LTBP1: variants seen among roughly 807,000 people sequenced by gnomAD.
The protein encoded by LTBP1 is latent-transforming growth factor beta-binding protein 1.
A neutral mutation model predicts 207.6 loss-of-function variants in LTBP1; 129 were observed. The observed-to-expected ratio is 0.62, with a 90% confidence interval of 0.54 to 0.72. LTBP1 has a LOEUF of 0.72. Among genes scored for constraint, LTBP1 ranks in the 30% least tolerant of loss-of-function variants. The pLI is 0.00. For synonymous variants in LTBP1, 963 were observed against 833.7 expected, an observed-to-expected ratio of 1.16 and a Z score of -2.67; for missense variants, 2,281 against 2,217.2, an observed-to-expected ratio of 1.03 and a Z score of -0.58.
chr2:33,242,137 A>G (rs889841498), intron 9 of LTBP1, among the ~76,000 whole-genome samples: 4 of 152,250 alleles, frequency 2.6e-5, no homozygotes, highest in Admixed American at 1.3e-4. Flanking sequence ...ATGTACGTAT[A>G]GATCACGATG....
intron 24 of LTBP1, among the ~76,000 whole-genome samples, chr2:33,338,440 A>G (rs1397563544): frequency 6.6e-6 from 1 of 152,240 alleles, no homozygotes; most frequent in Non-Finnish European, 1.5e-5. Context: ...CCAGGTTTCT[A>G]GTACATACCT....
At chr2:33,158,496 G>C (rs1481495041) in intron 5 of LTBP1, among the ~76,000 whole-genome samples, 1 of 152,110 alleles carries the variant, frequency 6.6e-6, no homozygotes, top group African/African-American at 2.4e-5. Flanking sequence ...AAAGAATTGA[G>C]ACAGGGCATC....
At chr2:33,137,694 TTTTG>T (rs150599206) in intron 5 of LTBP1, among the ~76,000 whole-genome samples, 30,227 of 151,730 alleles carry the variant, frequency 0.2, 3,199 homozygotes, top group Middle Eastern at 0.23. Flanking sequence ...GATTTACAGT[TTTTG>T]TTTGTTTGTT....
At chr2:33,106,525 A>C (rs2080076934) in intron 3 of LTBP1, among the ~76,000 whole-genome samples, 1 of 152,216 alleles carries the variant, frequency 6.6e-6, no homozygotes, top group South Asian at 2.1e-4. Flanking sequence ...GCACCAAAAA[A>C]GTTAACTTTT....
At position 33,312,249 on chromosome 2, in the gene LTBP1, A is replaced by G. The variant is rs572917165; in HGVS notation, c.3604+2693A>G. On this transcript the variant is annotated intron_variant, in intron 23 of 33. Coordinates refer to ENST00000404816, the MANE Select transcript of LTBP1 (RefSeq NM_206943.4). ...GTAATTGATGGCAATGCTAATAACC[A>G]TGGACATGTTTGAATAACAGTGTGT... 6.6e-5 allele frequency among the ~76,000 whole-genome samples: 10 copies of G among 152,330 alleles called. 1 individual carries two copies. The South Asian group carries it at 1.2e-3, about 19-fold the overall frequency.
intron 15 of LTBP1, among the ~76,000 whole-genome samples, chr2:33,265,932 T>C (rs1410598227): frequency 6.6e-6 from 1 of 152,228 alleles, no homozygotes; most frequent in Admixed American, 6.5e-5. Flanking sequence ...AAACATGTTA[T>C]GGTTCCTTTC....
intron 15 of LTBP1, among the ~76,000 whole-genome samples, chr2:33,271,122 A>G (rs1573538920): frequency 6.6e-6 from 1 of 152,244 alleles, no homozygotes; most frequent in Admixed American, 6.5e-5. Context: ...GTTCACACAT[A>G]TAAAGAAGTT....
intron 5 of LTBP1, among the ~76,000 whole-genome samples, chr2:33,140,660 A>G (rs2082574237): frequency 7.5e-6 from 1 of 133,896 alleles, no homozygotes. Flanking sequence ...TTATTTTATT[A>G]ATTAATTAAT....
At chr2:33,366,233 G>A (rs1356969783) in intron 31 of LTBP1, among the ~76,000 whole-genome samples, 5 of 152,174 alleles carry the variant, frequency 3.3e-5, no homozygotes, top group African/African-American at 1.2e-4. Flanking sequence ...TTAAAGGAAA[G>A]CACTCGAAAG....
At chr2:32,985,944 G>A (rs1467412519) in intron 2 of LTBP1, among the ~76,000 whole-genome samples, 1 of 151,916 alleles carries the variant, frequency 6.6e-6, no homozygotes, top group Non-Finnish European at 1.5e-5. Context: ...AAGCTTCTCT[G>A]CCTGTCTGTT....
intron 3 of LTBP1, among the ~76,000 whole-genome samples, chr2:33,066,114 A>G (rs1318643099): frequency 6.6e-6 from 1 of 152,100 alleles, no homozygotes; most frequent in Non-Finnish European, 1.5e-5. Context: ...ACCTATAATC[A>G]ATATTTTCCC....
At chr2:33,297,101 A>G (rs1004390210) in intron 20 of LTBP1, among the ~76,000 whole-genome samples, 1 of 152,190 alleles carries the variant, frequency 6.6e-6, no homozygotes, top group African/African-American at 2.4e-5. Context: ...GAAGTACTGA[A>G]TACAAAGGGG....
chr2:33,176,505 G>T (rs578185825), intron 5 of LTBP1, among the ~76,000 whole-genome samples: 1 of 152,036 alleles, frequency 6.6e-6, no homozygotes, highest in African/African-American at 2.4e-5. Context: ...GATTACAGTC[G>T]TGAGCCACCA....
chr2:33,014,688 A>G (rs1278453396), intron 2 of LTBP1, among the ~76,000 whole-genome samples: 1 of 152,242 alleles, frequency 6.6e-6, no homozygotes, highest in Admixed American at 6.5e-5. Flanking sequence ...GCTGAGCTTC[A>G]GGGCATGGGT....
rs116034893 is a variant in LTBP1, at chr2:33,126,268, T to C, written c.1034-8525T>C. Among the ~76,000 whole-genome samples, 373 of 152,300 alleles carry C rather than the reference T, an allele frequency of 2.4e-3. 1 individual carries two copies. The highest frequency in any genetic ancestry group is 8.7e-3 in the African/African-American group (360 of 41,566). On this transcript the variant is annotated intron_variant, in intron 4 of 33. Coordinates refer to ENST00000404816, the MANE Select transcript of LTBP1 (RefSeq NM_206943.4). ...TTATTTTTTAGAAACAGGGTCTTGC[T>C]ATATTGCCAGGGTTAGTCTCGATCT...
At chr2:33,238,655 A>G (rs898259808) in intron 9 of LTBP1, among the ~76,000 whole-genome samples, 1 of 152,246 alleles carries the variant, frequency 6.6e-6, no homozygotes, top group African/African-American at 2.4e-5. Context: ...ACCAAAAGCT[A>G]GATCTTAGTG....
At chr2:33,084,359 A>C (rs934512504) in intron 3 of LTBP1, among the ~76,000 whole-genome samples, 1 of 152,130 alleles carries the variant, frequency 6.6e-6, no homozygotes, top group African/African-American at 2.4e-5. Flanking sequence ...TGTGAAAGGG[A>C]CCATGAAGCA....
intron 4 of LTBP1, among the ~76,000 whole-genome samples, chr2:33,126,480 C>T (rs2150468259): frequency 6.6e-6 from 1 of 152,258 alleles, no homozygotes; most frequent in African/African-American, 2.4e-5. Flanking sequence ...TATTTTAAAA[C>T]CATCACAGTG....
intron 7 of LTBP1, among the ~76,000 whole-genome samples, chr2:33,202,022 AACACACAC>A (rs10558832): frequency 0.034 from 4,782 of 140,426 alleles, 106 homozygotes; most frequent in Middle Eastern, 0.11. Context: ...TTAGCACTGG[AACACACAC>A]ACACACACAC....
Sources: gnomAD v4.1 joint callset for allele counts (sites outside exome capture counted in the v4.1 genomes callset) on GRCh38, gnomAD v4.1.1 for gene constraint, MANE v1.5 for transcripts, NCBI Gene and HGNC (gene_info 2026-07-23, HGNC 2026-07-21) for gene names.